The following TNXB variants were observed in gnomAD, a reference collection of about 807,000 sequenced individuals.
TNXB encodes tenascin XB, also known as tenascin-X.
Under a neutral mutation model 340.5 loss-of-function variants are expected in TNXB, and 183 were observed. That is an observed-to-expected ratio of 0.54 (90% CI 0.48 to 0.61). The LOEUF (loss-of-function observed/expected upper bound fraction) is 0.61, where lower values mean the gene tolerates loss of function less well. Among genes scored for constraint, TNXB ranks in the 20% least tolerant of loss-of-function variants. TNXB has a pLI of 0.00. For missense variants in TNXB, 4,613 were observed against 5,446.4 expected (o/e 0.85, Z 4.82); for synonymous variants, 2,121 against 2,314.5 (o/e 0.92, Z 2.40).
Position 32,072,324 on chromosome 6 carries a change from T to C in TNXB, c.4682-26A>G. 6.4e-7 allele frequency: 1 copy of C among 1,574,132 alleles called. No individual in the cohort carries two copies. Among genetic ancestry groups the C allele is most frequent in the South Asian group, 1.2e-5 (1 of 85,652 alleles). On this transcript the variant is annotated intron_variant, in intron 12 of 43. Transcript: ENST00000644971. The surrounding 1 kb of genome is among the most constrained non-coding windows in gnomAD (Gnocchi z 4.4). The stretch of plus-strand genomic sequence containing the variant: ...CTGGGATTTGGGAAGACAAAGAACA[T>C]GGTTGAGATCTCTGAGGGGAGAACC...
Position 32,070,389 on chromosome 6 carries a change from C to T in TNXB, c.5016G>A (p.Gly1672=). Residue 1672 remains glycine, a synonymous_variant, in exon 14 of 44, where the codon GGG becomes GGA. Transcript: ENST00000644971. This position sits in a 1 kb window ranked among gnomAD's most constrained non-coding sequence, Gnocchi z 6.0. ...KTVARGDASP[G]APPRLGELWV... Reference sequence around the variant, plus strand: ...ACAGCTCCCCAAGGCGGGGTGGGGCCCCTGGGCTGGCGTCACCTCGGGCAA... The same window carrying T: ...ACAGCTCCCCAAGGCGGGGTGGGGCTCCTGGGCTGGCGTCACCTCGGGCAA... The T allele has an allele frequency of 6.3e-7, 1 of 1,595,212 alleles. No individual in the cohort carries two copies. The highest frequency in any genetic ancestry group is 1.3e-5 in the African/African-American group (1 of 74,772).
In TNXB at chr6:32,108,441, G is replaced by C. The variant is rs969320851; in HGVS notation, c.-9+740C>G. ...CCTGGAAGGGGCACAGAGTGAAGACGGAGCCCCTGTGCCCCCAGAGGCATC... is the reference window on the plus strand; with the variant it reads ...CCTGGAAGGGGCACAGAGTGAAGACCGAGCCCCTGTGCCCCCAGAGGCATC... On this transcript the variant is annotated intron_variant, in intron 1 of 43. Coordinates refer to ENST00000644971, the MANE Select transcript of TNXB (RefSeq NM_001365276.2). This position sits in a 1 kb window ranked among gnomAD's most constrained non-coding sequence, Gnocchi z 4.8. Among the ~76,000 whole-genome samples the C allele has an allele frequency of 6.6e-6, 1 of 152,076 alleles. No individual in the cohort carries two copies. Among genetic ancestry groups the C allele is most frequent in the Non-Finnish European group, 1.5e-5 (1 of 67,990 alleles).
Position 32,061,672 on chromosome 6 carries a change from G to A in TNXB, c.7217C>T (p.Pro2406Leu), listed in dbSNP as rs778151096. The stretch of plus-strand genomic sequence containing the variant: ...CAGGAGCGGCTCCTCAGGGGGCTCC[G>A]GGGCCTCCATGCTGGGTTCTGTGGG... Reference protein sequence around the residue: ...PSPTEPSMEAPEPPEEPLLGE... With the variant: ...PSPTEPSMEALEPPEEPLLGE... Residue 2406 changes from proline to leucine, a missense_variant, in exon 21 of 44, where the codon CCG becomes CTG. Pro to Leu is a moderately conservative substitution (Grantham distance 98). Transcript: ENST00000644971. This position sits in a 1 kb window ranked among gnomAD's most constrained non-coding sequence, Gnocchi z 4.4. 5.0e-6 allele frequency: 8 copies of A among 1,612,202 alleles called. No homozygotes were observed. Among genetic ancestry groups the A allele is most frequent in the East Asian group, 2.2e-5 (1 of 44,878 alleles).
rs577597727 is a variant in TNXB at position 32,081,736 on chromosome 6, C to T, written c.3737-63G>A. The T allele has an allele frequency of 3.6e-3, 4,703 of 1,311,456 alleles. 29 individuals carry two copies. The highest frequency in any genetic ancestry group is 0.023 in the Middle Eastern group (90 of 3,994). 81.2% of individuals were successfully genotyped at this position (1,311,456 alleles called of 1,614,324 possible). ...AGCCTGGGACTGGGGCTTGGGGTTTCGACGGGATGTCACACCTATGGGGGG... is the reference window on the plus strand; with the variant it reads ...AGCCTGGGACTGGGGCTTGGGGTTTTGACGGGATGTCACACCTATGGGGGG... On this transcript the variant is annotated intron_variant, in intron 9 of 43. Coordinates refer to ENST00000644971, the MANE Select transcript of TNXB (RefSeq NM_001365276.2). This position sits in a 1 kb window ranked among gnomAD's most constrained non-coding sequence, Gnocchi z 5.1.
chr6:32,102,811 C>T (rs1647024450), intron 1 of TNXB, among the ~76,000 whole-genome samples: 1 of 151,952 alleles, frequency 6.6e-6, no homozygotes, highest in African/African-American at 2.4e-5. Context: ...TCCCAGCTAC[C>T]TGGGAGGCTA....
Position 32,058,028 on chromosome 6 carries a change from T to TGCCC in TNXB, c.7825+29_7825+30insGGGC. 2 of 1,577,118 alleles carry TGCCC rather than the reference T, an allele frequency of 1.3e-6. No individual in the cohort carries two copies. Among genetic ancestry groups the TGCCC allele is most frequent in the Non-Finnish European group, 1.7e-6 (2 of 1,162,932 alleles). The stretch of plus-strand genomic sequence containing the variant: ...AAGGGCACATTTTCTAGGGCTGTCT[T>TGCCC]CCAACCCTGCCCCACCCACACTCAC... On this transcript the variant is annotated intron_variant, in intron 22 of 43. Transcript: ENST00000644971. This position sits in a 1 kb window ranked among gnomAD's most constrained non-coding sequence, Gnocchi z 5.1.
intron 3 of TNXB, 114 bp downstream of exon 3, chr6:32,095,497 G>T: frequency 7.3e-7 from 1 of 1,375,238 alleles, no homozygotes. Context: ...GTGGGCACTG[G>T]CTCCTTGGAA....
chr6:32,086,136 G>A lies in TNXB; in HGVS notation c.2780-18C>T. On this transcript the variant is annotated intron_variant, in intron 6 of 43. Transcript: ENST00000644971. The stretch of plus-strand genomic sequence containing the variant: ...TGAGGACCCTGGGAAGGGGCAGGGT[G>A]AGAAAAAGAGGAGAGTCCAGTATGA... 6.8e-7 allele frequency: 1 copy of A among 1,475,036 alleles called. No individual in the cohort carries two copies. Among genetic ancestry groups the A allele is most frequent in the Non-Finnish European group, 9.0e-7 (1 of 1,110,980 alleles). The allele number at this position is 1,475,036 out of a possible 1,614,324, so 91.4% of individuals were successfully genotyped here.
chr6:32,078,740 T>G (rs567140284), intron 11 of TNXB: 2 of 417,878 alleles, frequency 4.8e-6, no homozygotes, highest in Non-Finnish European at 8.6e-6. Context: ...TATTTACTTT[T>G]GCCAGGCCCA....
At chr6:32,066,033 G>A (rs1322513413) in intron 18 of TNXB, among the ~76,000 whole-genome samples, 1 of 152,136 alleles carries the variant, frequency 6.6e-6, no homozygotes. Flanking sequence ...GATGTCTGTG[G>A]TTCGTTTTTA....
In TNXB at chr6:32,053,425, G is replaced by A; in HGVS notation, c.8754C>T (p.Gly2918=). The change falls in exon 25 of 44, where the codon GGC becomes GGT. Residue 2918 remains glycine (G), a synonymous_variant. Transcript: ENST00000644971. ...YKMNLYGFHG[G]QRVGPISVIG... is the part of the protein sequence containing the mutation. Reference sequence around the variant, plus strand: ...TGACAGAGATGGGGCCCACGCGCTGGCCACCGTGGAAGCCGTACAGGTTCA... The same window carrying A: ...TGACAGAGATGGGGCCCACGCGCTGACCACCGTGGAAGCCGTACAGGTTCA... The A allele has an allele frequency of 1.2e-6, 2 of 1,612,892 alleles. No homozygotes were observed. Among genetic ancestry groups the A allele is most frequent in the Non-Finnish European group, 1.7e-6 (2 of 1,179,844 alleles).
Position 32,070,067 on chromosome 6 carries a change from G to T in TNXB, c.5278+60C>A. On this transcript the variant is annotated intron_variant, in intron 14 of 43. Transcript: ENST00000644971. This position sits in a 1 kb window ranked among gnomAD's most constrained non-coding sequence, Gnocchi z 6.0. The stretch of plus-strand genomic sequence containing the variant: ...AATGGTAATGGCAGCCACCACAAGT[G>T]ACCGTCTGCTGCTTGGCCTGAGGGG... 6.8e-7 allele frequency: 1 copy of T among 1,475,722 alleles called. No individual in the cohort carries two copies. Among genetic ancestry groups the T allele is most frequent in the South Asian group, 1.4e-5 (1 of 70,352 alleles). 91.4% of individuals were successfully genotyped at this position (1,475,722 alleles called of 1,614,324 possible).
chr6:32,049,447 C>A lies in TNXB; in HGVS notation c.9580G>T (p.Asp3194Tyr), dbSNP rs200036158. 1.2e-6 allele frequency: 2 copies of A among 1,612,710 alleles called. No individual in the cohort carries two copies. The highest frequency in any genetic ancestry group is 1.3e-5 in the African/African-American group (1 of 74,982). Residue 3194 changes from aspartate (D) to tyrosine (Y), a missense_variant, in exon 28 of 44, where the codon GAC becomes TAC. Transcript: ENST00000644971. The surrounding 1 kb of genome is among the most constrained non-coding windows in gnomAD (Gnocchi z 4.5). ...TCCTTGTACTGCACGGTGAAGGAGT[C>A]GAAGCGGCCCTGGGGGACGGTCCAG... ...LSWTVPQGRF[D>Y]SFTVQYKDRD...
chr6:32,096,303 CCCGGG>C lies in TNXB; in HGVS notation c.1545_1549del (p.Asn515LysfsTer5). The C allele has an allele frequency of 6.4e-7, 1 of 1,552,002 alleles. No homozygotes were observed. Among genetic ancestry groups the C allele is most frequent in the Middle Eastern group, 1.7e-4 (1 of 6,002 alleles). Reference sequence around the variant, plus strand: ...GCTCCCACAGTCCTCACCGGTGAAGCCCGGGTTGCACACGCAGCGGCCATCCACGC... The same window carrying C: ...GCTCCCACAGTCCTCACCGGTGAAGCTTGCACACGCAGCGGCCATCCACGC... On this transcript the variant is annotated frameshift_variant, in exon 3 of 44. Transcript: ENST00000644971. LOFTEE classifies it high-confidence loss of function.
At position 32,088,724 on chromosome 6, in the gene TNXB, TGAG is replaced by T. The variant is rs936299697; in HGVS notation, c.2779+58_2779+60del. On this transcript the variant is annotated intron_variant, in intron 6 of 43. Coordinates refer to ENST00000644971, the MANE Select transcript of TNXB (RefSeq NM_001365276.2). The stretch of plus-strand genomic sequence containing the variant: ...TCTGTGAGCCCTGAGCCTGGGCTCC[TGAG>T]GAGGAGGATCCAAGGCTGGGAAACC... The T allele has an allele frequency of 1.3e-5, 20 of 1,528,292 alleles. No individual in the cohort carries two copies. In the African/African-American group the frequency reaches 1.6e-4, roughly 13 times the overall value. 94.7% of individuals were successfully genotyped at this position (1,528,292 alleles called of 1,614,324 possible).
intron 1 of TNXB, among the ~76,000 whole-genome samples, chr6:32,107,006 C>T (rs1781017937): frequency 6.6e-6 from 1 of 152,276 alleles, no homozygotes; most frequent in African/African-American, 2.4e-5. Flanking sequence ...CACACACACC[C>T]AATCTCCCCT....
rs61746206 is a variant in TNXB at position 32,097,336 on chromosome 6, C to T, written c.517G>A (p.Ala173Thr). 0.025 allele frequency: 40,820 copies of T among 1,613,458 alleles called. 1,362 individuals are homozygous for T. The highest frequency in any genetic ancestry group is 0.13 in the South Asian group (11,509 of 91,074). ...GGTGGGGAAGAGGGAGGGATCTCAG[C>T]ATCTGTGGGGTCTGAGCAGGTGGGC... Reference protein sequence around the residue: ...GGPTCSDPTDAEIPPSSPPSA... With the variant: ...GGPTCSDPTDTEIPPSSPPSA... The change falls in exon 3 of 44, where the codon GCT (alanine) becomes ACT (threonine). Residue 173 changes from alanine to threonine, a missense_variant. Ala to Thr is a moderately conservative substitution (Grantham distance 58). Around this residue, in one of 7 missense-constraint regions of TNXB, gnomAD observed 4,327 missense variants for 4,859.4 expected, o/e 0.89. Transcript: ENST00000644971. This position sits in a 1 kb window ranked among gnomAD's most constrained non-coding sequence, Gnocchi z 5.9.
rs774375168 is a variant in TNXB at position 32,050,195 on chromosome 6, A to G, written c.9242T>C (p.Met3081Thr). 3.4e-5 allele frequency: 55 copies of G among 1,613,662 alleles called. No homozygotes were observed. Among genetic ancestry groups the G allele is most frequent in the African/African-American group, 1.9e-4 (14 of 74,914 alleles). Residue 3081 changes from methionine (M) to threonine (T), a missense_variant, in exon 27 of 44, where the codon ATG (methionine) becomes ACG (threonine). Coordinates refer to ENST00000644971, the MANE Select transcript of TNXB (RefSeq NM_001365276.2). ...GTGGTCAAACTGGCCCTCGGGAACC[A>G]TCCAGGACAGGCTGAGGGAGTCGGG... is the stretch of plus-strand genomic sequence containing the variant. ...ATPDSLSLSW[M>T]VPEGQFDHFL...
At chr6:32,066,838 G>A (rs1225581832) in intron 18 of TNXB, among the ~76,000 whole-genome samples, 1 of 152,182 alleles carries the variant, frequency 6.6e-6, no homozygotes, top group African/African-American at 2.4e-5. Flanking sequence ...CTTTGGCTGA[G>A]GTGGGAGGAT....
Sources: gnomAD v4.1 joint callset for allele counts (sites outside exome capture counted in the v4.1 genomes callset) on GRCh38, gnomAD v4.1.1 for gene constraint, gnomAD v4.1.1 regional missense constraint, Gnocchi (gnomAD v3.1) non-coding constraint, MANE v1.5 for transcripts, NCBI Gene and HGNC (gene_info 2026-07-23, HGNC 2026-07-21) for gene names.